The following PPFIBP2 variants were observed in gnomAD, a reference collection of about 807,000 sequenced individuals.
PPFIBP2 encodes liprin-beta-2.
A neutral mutation model predicts 118.3 loss-of-function variants in PPFIBP2; 118 were observed. The ratio of observed to expected loss-of-function variants is 1.00; its 90% CI spans 0.86 to 1.16. The LOEUF (loss-of-function observed/expected upper bound fraction) is 1.16, where lower values mean the gene tolerates loss of function less well. Ranked by LOEUF, PPFIBP2 falls within the 50% of genes most tolerant of loss-of-function variation. The pLI, the probability that PPFIBP2 is intolerant of heterozygous loss-of-function variation, is 0.00. For synonymous variants in PPFIBP2, 414 were observed against 397.4 expected, an observed-to-expected ratio of 1.04 and a Z score of -0.50; for missense variants, 1,195 against 1,073.1, an observed-to-expected ratio of 1.11 and a Z score of -1.59.
chr11:7,610,320 C>T lies in PPFIBP2; in HGVS notation c.516C>T (p.Thr172=), dbSNP rs1199784116. 1 of 1,614,056 alleles carries T rather than the reference C, an allele frequency of 6.2e-7. No individual in the cohort carries two copies. Among genetic ancestry groups the T allele is most frequent in the Admixed American group, 1.7e-5 (1 of 60,018 alleles). The change falls in exon 6 of 24, where the codon ACC becomes ACT. Residue 172 remains threonine (T), a synonymous_variant. Transcript: ENST00000299492. ...TGCTAAGCCGCACATCTCTTGAGAC[C>T]CAGAAGCTCGATCTGATGACTGAAG... The part of the protein sequence containing the change: ...QELLSRTSLE[T]QKLDLMTEVS...
rs529596577 is a variant in PPFIBP2, at chr11:7,519,721, C to T, written c.-37+5600C>T. On this transcript the variant is annotated intron_variant, in intron 1 of 23. Coordinates refer to ENST00000299492, the MANE Select transcript of PPFIBP2 (RefSeq NM_003621.5). ...GGACGGAGACGATAAAAGGAGCGAT[C>T]GTCACCACTGCCTTTTTCATTCCTG... Among the ~76,000 whole-genome samples, 29 of 152,234 alleles carry T rather than the reference C, an allele frequency of 1.9e-4. No homozygotes were observed. The South Asian group carries it at 6.0e-3, about 32-fold the overall frequency.
chr11:7,514,812 G>A (rs1849088737), intron 1 of PPFIBP2, among the ~76,000 whole-genome samples: 1 of 152,196 alleles, frequency 6.6e-6, no homozygotes, highest in African/African-American at 2.4e-5. Flanking sequence ...ATAGGATTAA[G>A]ACAGGCATTC....
At chr11:7,631,100 C>G in intron 11 of PPFIBP2, 72 bp downstream of exon 11, 1 of 1,112,262 alleles carries the variant, frequency 9.0e-7, no homozygotes, top group Non-Finnish European at 1.4e-6. Flanking sequence ...GAGGGAGGAT[C>G]TAGTCAGACA....
chr11:7,663,061 C>G, the PPFIBP2 span, among the ~76,000 whole-genome samples: 2 of 132,850 alleles, frequency 1.5e-5, no homozygotes, highest in South Asian at 2.7e-4. Context: ...AAATTTTTTT[C>G]AAAGTTTTCA....
At chr11:7,625,692 A>G (rs1277065432) in intron 7 of PPFIBP2, 85 bp from the exon 8 acceptor site, 3 of 1,055,062 alleles carry the variant, frequency 2.8e-6, no homozygotes, top group East Asian at 4.8e-5. Context: ...CTGGTGCCTG[A>G]TGGGGTCTGG....
intron 1 of PPFIBP2, among the ~76,000 whole-genome samples, chr11:7,545,941 G>C (rs1038837190): frequency 6.6e-6 from 1 of 152,286 alleles, no homozygotes; most frequent in South Asian, 2.1e-4. Flanking sequence ...AATCACCAAG[G>C]ACTGAGCGAC....
At chr11:7,605,747 G>C in intron 5 of PPFIBP2, 1 of 1,353,140 alleles carries the variant, frequency 7.4e-7, no homozygotes, top group Admixed American at 3.6e-5. Context: ...GAAGAAATTA[G>C]AGGTTGAGTG....
At chr11:7,636,468 T>G (rs1851466736) in intron 14 of PPFIBP2, among the ~76,000 whole-genome samples, 1 of 152,188 alleles carries the variant, frequency 6.6e-6, no homozygotes. Context: ...CCTGCTCCCC[T>G]GCCCAGGTGC....
intron 3 of PPFIBP2, among the ~76,000 whole-genome samples, chr11:7,587,681 C>T (rs1165658630): frequency 2.0e-5 from 3 of 152,202 alleles, no homozygotes; most frequent in Admixed American, 6.5e-5. Context: ...GCTTTTTCCA[C>T]GTGGAGCAGG....
intron 13 of PPFIBP2, among the ~76,000 whole-genome samples, chr11:7,635,207 TCCC>T: frequency 6.6e-6 from 1 of 152,256 alleles, no homozygotes; most frequent in Admixed American, 6.5e-5. Flanking sequence ...CTGCATACCA[TCCC>T]TTGGTCTCCA....
At chr11:7,516,224 A>G (rs1849217836) in intron 1 of PPFIBP2, among the ~76,000 whole-genome samples, 1 of 152,196 alleles carries the variant, frequency 6.6e-6, no homozygotes, top group Admixed American at 6.5e-5. Flanking sequence ...GGAAAAAGAC[A>G]GTGGGGGCGG....
At chr11:7,620,870 AG>A in intron 6 of PPFIBP2, 64 bp from the exon 7 acceptor site, 1 of 1,180,384 alleles carries the variant, frequency 8.5e-7, no homozygotes, top group East Asian at 2.3e-5. Flanking sequence ...GAGCTTAACC[AG>A]GTTGGTAAAT....
At chr11:7,573,107 A>G (rs1206046724) in intron 3 of PPFIBP2, among the ~76,000 whole-genome samples, 2 of 152,132 alleles carry the variant, frequency 1.3e-5, no homozygotes, top group African/African-American at 2.4e-5. Context: ...GCGGTTTCCT[A>G]ACTTCTTACT....
At chr11:7,597,707 C>G (rs189522498) in intron 5 of PPFIBP2, 34 bp downstream of exon 5, 7 of 1,538,662 alleles carry the variant, frequency 4.5e-6, no homozygotes, top group South Asian at 2.3e-5. Flanking sequence ...CCTTGGGTGC[C>G]GAAGCAGCTC....
intron 2 of PPFIBP2, among the ~76,000 whole-genome samples, chr11:7,554,809 T>C (rs1853414945): frequency 1.3e-5 from 2 of 152,132 alleles, no homozygotes; most frequent in African/African-American, 4.8e-5. Context: ...TAGACTAGAC[T>C]AGACTAGATT....
intron 15 of PPFIBP2, chr11:7,641,077 AT>A (rs1181358125): frequency 7.9e-7 from 1 of 1,267,846 alleles, no homozygotes; most frequent in Non-Finnish European, 1.0e-6. Flanking sequence ...TACTGTACCC[AT>A]TCCAGGTGAG....
At chr11:7,582,791 T>TG (rs1857474447) in intron 3 of PPFIBP2, among the ~76,000 whole-genome samples, 2 of 151,744 alleles carry the variant, frequency 1.3e-5, no homozygotes, top group Non-Finnish European at 2.9e-5. Flanking sequence ...AATGTAACTG[T>TG]ATTTCAGCAT....
At chr11:7,641,359 G>C (rs1852166456) in intron 15 of PPFIBP2, 120 bp from the exon 16 acceptor site, 4 of 1,160,940 alleles carry the variant, frequency 3.4e-6, no homozygotes, top group East Asian at 2.4e-5. Flanking sequence ...GTTCTGCCCT[G>C]AAGGCAGAAC....
At chr11:7,643,255 A>G (rs1464031758) in intron 17 of PPFIBP2, among the ~76,000 whole-genome samples, 2 of 152,208 alleles carry the variant, frequency 1.3e-5, no homozygotes, top group African/African-American at 2.4e-5. Context: ...CTGAAAAAAA[A>G]TCAAGCTATA....
Sources: gnomAD v4.1 joint callset for allele counts (sites outside exome capture counted in the v4.1 genomes callset) on GRCh38, gnomAD v4.1.1 for gene constraint, MANE v1.5 for transcripts, NCBI Gene and HGNC (gene_info 2026-07-23, HGNC 2026-07-21) for gene names.